SFXN1: variants seen among roughly 807,000 people sequenced by gnomAD.
The protein encoded by SFXN1 is sideroflexin-1.
Under a neutral mutation model 39.5 loss-of-function variants are expected in SFXN1, and 32 were observed. The ratio of observed to expected loss-of-function variants is 0.81; its 90% CI spans 0.61 to 1.09. SFXN1 has a LOEUF of 1.09. Among genes scored for constraint, SFXN1 ranks in the 50% least tolerant of loss-of-function variants. SFXN1 has a pLI of 0.00. For synonymous variants in SFXN1, 136 were observed against 146.5 expected (o/e 0.93, Z 0.52); for missense variants, 402 against 407.1 (o/e 0.99, Z 0.11).
chr5:175,487,565 T>C (rs1337006390), intron 1 of SFXN1, among the ~76,000 whole-genome samples: 2 of 152,204 alleles, frequency 1.3e-5, no homozygotes. Flanking sequence ...CACTTTGCTG[T>C]GCCTTCAGTC....
Position 175,514,839 on chromosome 5 carries a change from C to T in SFXN1, c.724+1249C>T, listed in dbSNP as rs566525748. 5.3e-5 allele frequency among the ~76,000 whole-genome samples: 8 copies of T among 152,334 alleles called. No individual in the cohort carries two copies. In the South Asian group the frequency reaches 1.7e-3, roughly 32 times the overall value. On this transcript the variant is annotated intron_variant, in intron 7 of 10. Coordinates refer to ENST00000321442, the MANE Select transcript of SFXN1 (RefSeq NM_022754.7). ...CTAATGTGTTCTGTAGGGGTGGCTG[C>T]ACAGCCACAGTCCTGAAACATGGGA... is the stretch of plus-strand genomic sequence containing the variant.
At chr5:175,515,544 G>A (rs963163508) in intron 7 of SFXN1, among the ~76,000 whole-genome samples, 9 of 152,186 alleles carry the variant, frequency 5.9e-5, no homozygotes, top group African/African-American at 2.2e-4. Context: ...ATGAACGAAT[G>A]CTGTCCACCG....
chr5:175,526,750 T>C lies in SFXN1; in HGVS notation c.*16T>C, dbSNP rs1336998926. 1 of 1,595,036 alleles carries C rather than the reference T, an allele frequency of 6.3e-7. No homozygotes were observed. Among genetic ancestry groups the C allele is most frequent in the South Asian group, 1.1e-5 (1 of 90,628 alleles). On this transcript the variant is annotated 3_prime_UTR_variant, in exon 11 of 11. Transcript: ENST00000321442. ...GGGATTGTAAAGCAGGGAGGAAACC[T>C]CTGCAGCTCATTCTGCCACTGCAAA...
chr5:175,498,678 T>C (rs1215683696), intron 2 of SFXN1, among the ~76,000 whole-genome samples: 2 of 152,118 alleles, frequency 1.3e-5, no homozygotes, highest in African/African-American at 2.4e-5. Context: ...GAAAGCTACC[T>C]AACAGAGAAA....
chr5:175,495,842 C>T (rs1372694118), intron 2 of SFXN1, among the ~76,000 whole-genome samples: 1 of 150,288 alleles, frequency 6.7e-6, no homozygotes, highest in Non-Finnish European at 1.5e-5. Context: ...TGTTGAAACA[C>T]ATAGAAATAG....
At chr5:175,516,016 A>G (rs1233008969) in intron 7 of SFXN1, among the ~76,000 whole-genome samples, 1 of 152,114 alleles carries the variant, frequency 6.6e-6, no homozygotes, top group Non-Finnish European at 1.5e-5. Context: ...AATGGAGTTC[A>G]GGCTCCTGTG....
intron 2 of SFXN1, among the ~76,000 whole-genome samples, chr5:175,507,976 A>AATAAAAATT (rs1554101398): frequency 1.9e-5 from 2 of 106,256 alleles, no homozygotes; most frequent in Non-Finnish European, 4.0e-5. Flanking sequence ...CTGTCTTTAA[A>AATAAAAATT]AAAAAAAAAA....
Position 175,526,631 on chromosome 5 carries a change from A to T in SFXN1, c.873-7A>T. The T allele has an allele frequency of 6.2e-7, 1 of 1,612,572 alleles. No individual in the cohort carries two copies. Among genetic ancestry groups the T allele is most frequent in the Non-Finnish European group, 8.5e-7 (1 of 1,178,606 alleles). On this transcript the variant is annotated splice_region_variant and splice_polypyrimidine_tract_variant and intron_variant, in intron 10 of 10. Coordinates refer to ENST00000321442, the MANE Select transcript of SFXN1 (RefSeq NM_022754.7). Reference sequence around the variant, plus strand: ...GTAATAACCCTGTCATTTCTCCCTTATCCCAGTTCCATGTCTGTGACAAGC... The same window carrying T: ...GTAATAACCCTGTCATTTCTCCCTTTTCCCAGTTCCATGTCTGTGACAAGC...
chr5:175,511,613 G>C (rs1760519086), intron 5 of SFXN1, 87 bp downstream of exon 5: 2 of 1,030,444 alleles, frequency 1.9e-6, no homozygotes, highest in Non-Finnish European at 3.0e-6. Flanking sequence ...TCTTAAACTA[G>C]TTCAAGTCAT....
intron 7 of SFXN1, 53 bp downstream of exon 7, chr5:175,513,643 C>T (rs1419412400): frequency 5.0e-6 from 8 of 1,590,584 alleles, no homozygotes; most frequent in African/African-American, 1.3e-5. Context: ...CCAGCGTTCA[C>T]GGATCCGTGA....
At chr5:175,496,615 A>G (rs781553162) in intron 2 of SFXN1, among the ~76,000 whole-genome samples, 1 of 152,242 alleles carries the variant, frequency 6.6e-6, no homozygotes, top group Non-Finnish European at 1.5e-5. Context: ...CAACAAATTA[A>G]AAATTTTAAA....
At chr5:175,510,792 T>C (rs1281408519) in intron 4 of SFXN1, among the ~76,000 whole-genome samples, 1 of 152,248 alleles carries the variant, frequency 6.6e-6, no homozygotes, top group African/African-American at 2.4e-5. Context: ...ATAATTGTAT[T>C]ACACTTGAAA....
intron 1 of SFXN1, among the ~76,000 whole-genome samples, chr5:175,490,947 C>T (rs540409789): frequency 6.6e-6 from 1 of 152,064 alleles, no homozygotes; most frequent in Non-Finnish European, 1.5e-5. Context: ...GGAAATGTAC[C>T]AAAACAGTAA....
chr5:175,514,093 G>A (rs1760635930), intron 7 of SFXN1, among the ~76,000 whole-genome samples: 2 of 152,146 alleles, frequency 1.3e-5, no homozygotes, highest in Admixed American at 6.5e-5. Flanking sequence ...GTCTGACTTA[G>A]GTTTTATCTG....
chr5:175,491,199 A>G (rs1374422602), intron 1 of SFXN1, among the ~76,000 whole-genome samples: 1 of 152,210 alleles, frequency 6.6e-6, no homozygotes, highest in African/African-American at 2.4e-5. Flanking sequence ...AGTTACTCCT[A>G]TTCATGGGAC....
At position 175,522,262 on chromosome 5, in the gene SFXN1, C is replaced by T. The variant is rs1451300890; in HGVS notation, c.825-113C>T. On this transcript the variant is annotated intron_variant, in intron 9 of 10. Coordinates refer to ENST00000321442, the MANE Select transcript of SFXN1 (RefSeq NM_022754.7). The stretch of plus-strand genomic sequence containing the variant: ...AACAGGACTTATTTTTGTTAGACAA[C>T]ACAGAACGTAATGCTCTGAAGAAAG... The T allele has an allele frequency of 5.4e-6, 6 of 1,103,182 alleles. No individual in the cohort carries two copies. In the Admixed American group the frequency reaches 1.6e-4, roughly 30 times the overall value. 68.3% of individuals were successfully genotyped at this position (1,103,182 alleles called of 1,614,324 possible). A position where few individuals can be genotyped will look rare whatever the true frequency, so the allele number is the denominator to read the frequency against.
At chr5:175,496,623 A>T (rs1196008801) in intron 2 of SFXN1, among the ~76,000 whole-genome samples, 1 of 152,246 alleles carries the variant, frequency 6.6e-6, no homozygotes, top group African/African-American at 2.4e-5. Flanking sequence ...TAAAAATTTT[A>T]AAAATCAAAT....
chr5:175,505,680 A>G (rs1760266868), intron 2 of SFXN1, among the ~76,000 whole-genome samples: 1 of 152,086 alleles, frequency 6.6e-6, no homozygotes, highest in South Asian at 2.1e-4. Context: ...ATTGACTGTC[A>G]AGTTAAAATG....
Position 175,521,929 on chromosome 5 carries a change from G to C in SFXN1, c.785G>C (p.Trp262Ser). ...EKKAFLKRFP[W>S]MSAPIQVGLV... ...TATTTCTCAACACAGAGGTTCCCAT[G>C]GATGAGTGCACCCATTCAAGTTGGG... The change falls in exon 9 of 11, where the codon TGG becomes TCG. Residue 262 changes from tryptophan (W) to serine (S), a missense_variant. Coordinates refer to ENST00000321442, the MANE Select transcript of SFXN1 (RefSeq NM_022754.7). 9 of 1,599,264 alleles carry C rather than the reference G, an allele frequency of 5.6e-6. No individual in the cohort carries two copies. Among genetic ancestry groups the C allele is most frequent in the Non-Finnish European group, 6.0e-6 (7 of 1,169,962 alleles).
Sources: allele counts gnomAD v4.1 joint callset (sites outside exome capture counted in the v4.1 genomes callset), GRCh38; gene constraint gnomAD v4.1.1; transcripts MANE v1.5; gene names NCBI Gene and HGNC (gene_info 2026-07-23, HGNC 2026-07-21).